Variants in KIF26B observed in about 807,000 individuals in gnomAD.
KIF26B encodes the protein kinesin-like protein KIF26B.
Under a neutral mutation model 151.2 loss-of-function variants are expected in KIF26B, and 63 were observed. The observed-to-expected ratio is 0.42, with a 90% CI of 0.34 to 0.51. The LOEUF is 0.51. KIF26B is among the 20% of genes least tolerant of loss of function. The pLI is 0.07. For synonymous variants in KIF26B, 1,357 were observed against 1,262.1 expected, an observed-to-expected ratio of 1.08 and a Z score of -1.59; for missense variants, 2,813 against 2,913.6, an observed-to-expected ratio of 0.97 and a Z score of 0.79.
chr1:245,509,252 A>C (rs1404291615), intron 4 of KIF26B, among the ~76,000 whole-genome samples: 1 of 152,252 alleles, frequency 6.6e-6, no homozygotes. Flanking sequence ...GGTACTTACA[A>C]TGAGAAATAC....
chr1:245,571,985 G>A, intron 5 of KIF26B, among the ~76,000 whole-genome samples: 1 of 152,204 alleles, frequency 6.6e-6, no homozygotes, highest in African/African-American at 2.4e-5. Context: ...GACAAGATGA[G>A]CGTGCTGCTG....
intron 10 of KIF26B, among the ~76,000 whole-genome samples, chr1:245,663,254 C>CT (rs1481861873): frequency 6.9e-6 from 1 of 144,110 alleles, no homozygotes; most frequent in African/African-American, 2.6e-5. Context: ...TCCTCTGCTG[C>CT]TTGTTACCCA....
At chr1:245,556,306 CCT>C (rs1270391431) in intron 5 of KIF26B, among the ~76,000 whole-genome samples, 4 of 145,282 alleles carry the variant, frequency 2.8e-5, no homozygotes, top group African/African-American at 1.0e-4. Context: ...CCTCCCTCCT[CCT>C]CCTCCTTCTT....
chr1:245,383,720 A>T (rs1673470834), intron 3 of KIF26B, among the ~76,000 whole-genome samples: 1 of 152,214 alleles, frequency 6.6e-6, no homozygotes, highest in South Asian at 2.1e-4. Context: ...CAGAGAAATG[A>T]AAGTTCTTGC....
At chr1:245,378,718 C>G (rs538058182) in intron 3 of KIF26B, among the ~76,000 whole-genome samples, 35 of 152,308 alleles carry the variant, frequency 2.3e-4, no homozygotes, top group African/African-American at 7.0e-4. Flanking sequence ...AAGTCTGAGG[C>G]TGATACTCAT....
chr1:245,292,061 C>A (rs1034978337), intron 2 of KIF26B, among the ~76,000 whole-genome samples: 1 of 152,168 alleles, frequency 6.6e-6, no homozygotes, highest in Non-Finnish European at 1.5e-5. Flanking sequence ...TCATCCTGGG[C>A]TGCATAGATA....
intron 2 of KIF26B, among the ~76,000 whole-genome samples, chr1:245,299,288 G>A (rs1671386970): frequency 6.7e-6 from 1 of 149,710 alleles, no homozygotes; most frequent in Non-Finnish European, 1.5e-5. Context: ...TCAAATGAAA[G>A]GCTGTCACAC....
chr1:245,550,058 A>C (rs541696626), intron 5 of KIF26B, among the ~76,000 whole-genome samples: 2 of 152,178 alleles, frequency 1.3e-5, no homozygotes, highest in African/African-American at 4.8e-5. Context: ...GGATTACAGG[A>C]AAAACAACCA....
intron 12 of KIF26B, among the ~76,000 whole-genome samples, chr1:245,690,864 G>T (rs1007765525): frequency 6.6e-6 from 1 of 152,198 alleles, no homozygotes; most frequent in Non-Finnish European, 1.5e-5. Context: ...GAGCCATTCC[G>T]TGTAACGTAG....
intron 4 of KIF26B, among the ~76,000 whole-genome samples, chr1:245,500,793 A>G (rs943224146): frequency 1.3e-5 from 2 of 152,238 alleles, no homozygotes; most frequent in African/African-American, 4.8e-5. Flanking sequence ...GCTGAATGGG[A>G]TAAGAATGTG....
chr1:245,612,784 C>T (rs541383386), intron 9 of KIF26B, among the ~76,000 whole-genome samples: 11 of 152,268 alleles, frequency 7.2e-5, no homozygotes, highest in African/African-American at 2.6e-4. Context: ...TCCCTCAAAT[C>T]GTCAGTGAAG....
chr1:245,686,193 C>T lies in KIF26B; in HGVS notation c.3210C>T (p.Ile1070=), dbSNP rs1183890315. Residue 1070 remains isoleucine (I), a synonymous_variant, in exon 12 of 15, where the codon ATC becomes ATT. Transcript: ENST00000407071. This position sits in a 1 kb window ranked among gnomAD's most constrained non-coding sequence, Gnocchi z 5.6. The part of the protein sequence containing the change: ...PRPMGSPRLG[I]ASLSKTSEYK... ...CCATGGGCTCCCCCCGGCTGGGCAT[C>T]GCCAGCCTGTCCAAGACCTCGGAGT... 8 of 1,612,442 alleles carry T rather than the reference C, an allele frequency of 5.0e-6. No individual in the cohort carries two copies. Among genetic ancestry groups the T allele is most frequent in the East Asian group, 2.2e-5 (1 of 44,864 alleles).
intron 2 of KIF26B, among the ~76,000 whole-genome samples, chr1:245,207,013 G>C (rs1558345012): frequency 6.6e-6 from 1 of 152,184 alleles, no homozygotes; most frequent in East Asian, 1.9e-4. Flanking sequence ...GATGTGTTTT[G>C]CTTTGACGAT....
intron 3 of KIF26B, among the ~76,000 whole-genome samples, chr1:245,402,301 C>T (rs182862898): frequency 6.6e-6 from 1 of 152,316 alleles, no homozygotes; most frequent in African/African-American, 2.4e-5. Context: ...AAACAAAGCA[C>T]AAACAGAACA....
At chr1:245,697,905 G>C (rs967600858) in intron 12 of KIF26B, among the ~76,000 whole-genome samples, 1 of 151,850 alleles carries the variant, frequency 6.6e-6, no homozygotes, top group Admixed American at 6.6e-5. Context: ...GCTGGGTGTG[G>C]TGGTGTGCAC....
intron 3 of KIF26B, among the ~76,000 whole-genome samples, chr1:245,372,768 T>C (rs1673158438): frequency 6.6e-6 from 1 of 152,256 alleles, no homozygotes; most frequent in South Asian, 2.1e-4. Context: ...ATGTTGGTGA[T>C]GTTGGTGTTG....
At chr1:245,392,932 A>T (rs1260100718) in intron 3 of KIF26B, among the ~76,000 whole-genome samples, 1 of 151,900 alleles carries the variant, frequency 6.6e-6, no homozygotes, top group Non-Finnish European at 1.5e-5. Flanking sequence ...GCACATTGGG[A>T]GGTCATAGTG....
chr1:245,339,736 G>A (rs1488747784), intron 2 of KIF26B, among the ~76,000 whole-genome samples: 1 of 152,138 alleles, frequency 6.6e-6, no homozygotes, highest in Non-Finnish European at 1.5e-5. Flanking sequence ...GAAGAATTCT[G>A]TGTGACCCAT....
In KIF26B at chr1:245,156,546, TC is replaced by T. The variant is rs1341750976; in HGVS notation, c.332del (p.Pro111ArgfsTer34). ...LGGSPGFGTG[S>X]PGSGSGGGSS... ...CGGCTCTCCGGGCTTCGGCACAGGC[TC>T]CCCGGGCTCCGGCAGCGGCGGCGGC... On this transcript the variant is annotated frameshift_variant, in exon 2 of 15. Coordinates refer to ENST00000407071, the MANE Select transcript of KIF26B (RefSeq NM_018012.4). LOFTEE classifies it high-confidence loss of function. The T allele has an allele frequency of 1.3e-6, 2 of 1,535,250 alleles. No individual in the cohort carries two copies. The highest frequency in any genetic ancestry group is 1.4e-5 in the African/African-American group (1 of 71,734).
Sources: allele counts gnomAD v4.1 joint callset (sites outside exome capture counted in the v4.1 genomes callset), GRCh38; gene constraint gnomAD v4.1.1; non-coding constraint Gnocchi (gnomAD v3.1); transcripts MANE v1.5; gene names NCBI Gene and HGNC (gene_info 2026-07-23, HGNC 2026-07-21).